The following HDX variants were observed in gnomAD, a reference collection of about 807,000 sequenced individuals.
HDX encodes highly divergent homeobox.
In HDX, 19 loss-of-function variants were observed where a neutral mutation model predicts 45.2. That is an observed-to-expected ratio of 0.42 (90% CI 0.29 to 0.62). The LOEUF (loss-of-function observed/expected upper bound fraction) is 0.62. Ranked by LOEUF, HDX falls within the 20% of genes least tolerant of loss-of-function variation. The pLI, the probability that HDX is intolerant of heterozygous loss-of-function variation, is 0.20. For missense variants in HDX, 532 were observed against 493.9 expected (o/e 1.08, Z -0.73); for synonymous variants, 188 against 172.8 (o/e 1.09, Z -0.69).
intron 5 of HDX, among the ~76,000 whole-genome samples, chrX:84,380,258 C>A (rs184353713): frequency 7.3e-5 from 8 of 109,527 alleles, no homozygotes; most frequent in Non-Finnish European, 1.5e-4. Context: ...AAACCAGGAC[C>A]CAGTGGTTTC....
chrX:84,480,077 C>G (rs772551443), intron 2 of HDX, among the ~76,000 whole-genome samples: 1 of 111,649 alleles, frequency 9.0e-6, no homozygotes, highest in South Asian at 3.7e-4. Context: ...AGCATATACT[C>G]TGTTAAATAA....
intron 4 of HDX, among the ~76,000 whole-genome samples, chrX:84,465,678 G>T (rs1166964658): frequency 1.8e-5 from 2 of 111,761 alleles, no homozygotes; most frequent in Non-Finnish European, 3.8e-5. Context: ...TGGGGGGCGG[G>T]TGCCTAGGGG....
At chrX:84,470,902 T>G (rs1418497481) in intron 3 of HDX, among the ~76,000 whole-genome samples, 1 of 111,559 alleles carries the variant, frequency 9.0e-6, no homozygotes, top group Non-Finnish European at 1.9e-5. Flanking sequence ...TGCCTGTAAC[T>G]CCAGCTCTTT....
rs1331406889 is a variant in HDX, at chrX:84,342,536, TGTGA to T, written c.1660+1710_1660+1713del. Among the ~76,000 whole-genome samples, 592 of 109,208 alleles carry T rather than the reference TGTGA, an allele frequency of 5.4e-3. 7 individuals are homozygous for T. The highest frequency in any genetic ancestry group is 0.019 in the African/African-American group (566 of 30,039). 94.8% of individuals were successfully genotyped at this position (109,208 alleles called of 115,157 possible). On this transcript the variant is annotated intron_variant, in intron 7 of 10. Coordinates refer to ENST00000373177, the MANE Select transcript of HDX (RefSeq NM_001177479.2). ...GTGTGTGCATGTGTGTGTGTGTGTG[TGTGA>T]GAGAGAGAGAGAGTGTGTGTGTGTA...
rs1451725294 is a variant in HDX, at chrX:84,440,552, C to T, written c.1285G>A (p.Gly429Arg). 1 of 1,184,769 alleles carries T rather than the reference C, an allele frequency of 8.4e-7. No homozygotes were observed. Among genetic ancestry groups the T allele is most frequent in the Non-Finnish European group, 1.1e-6 (1 of 874,781 alleles). Reference sequence around the variant, plus strand: ...CTTACTGCTCTTTTTCTAGAACACCCTGTAATCCAAGGCACAGTAAGGTTT... The same window carrying T: ...CTTACTGCTCTTTTTCTAGAACACCTTGTAATCCAAGGCACAGTAAGGTTT... ...SGNLTVPWIT[G>R]CSRKRALQDR... The change falls in exon 5 of 11, where the codon GGG becomes AGG. Residue 429 changes from glycine to arginine, a missense_variant. Gly to Arg is a moderately radical substitution (Grantham distance 125, BLOSUM62 -2). Transcript: ENST00000373177.
At chrX:84,451,707 G>C (rs1442067558) in intron 4 of HDX, among the ~76,000 whole-genome samples, 2 of 110,036 alleles carry the variant, frequency 1.8e-5, no homozygotes, top group Non-Finnish European at 3.8e-5. Flanking sequence ...ACCAACACTA[G>C]ACAAGGATGC....
Position 84,469,517 on chromosome X carries a change from G to A in HDX, c.206C>T (p.Ala69Val), listed in dbSNP as rs779430234. The A allele has an allele frequency of 8.3e-6, 10 of 1,204,123 alleles. No individual in the cohort carries two copies. Among genetic ancestry groups the A allele is most frequent in the Non-Finnish European group, 1.1e-5 (10 of 891,489 alleles). Residue 69 changes from alanine to valine, a missense_variant, in exon 4 of 11, where the codon GCA becomes GTA. Physicochemically the swap from Ala to Val is moderately conservative, Grantham distance 64 (BLOSUM62 0). Around this residue, in one of 3 missense-constraint regions of HDX, gnomAD observed 376 missense variants for 343.7 expected, o/e 1.09. Coordinates refer to ENST00000373177, the MANE Select transcript of HDX (RefSeq NM_001177479.2). ...AGCTGACAAAGAGGTTCCTGTTGTT[G>A]CTGTTCCAGATTCAGAGTTCTTACT... is the stretch of plus-strand genomic sequence containing the variant. ...MSSKNSESGTATTGTSLSAPD... is the reference protein window; with the variant it reads ...MSSKNSESGTVTTGTSLSAPD...
intron 3 of HDX, 97 bp from the exon 4 acceptor site, chrX:84,469,672 A>G (rs1739856402): frequency 1.4e-6 from 1 of 705,975 alleles, no homozygotes; most frequent in African/African-American, 2.2e-5. Context: ...TTTGTCTTGG[A>G]ACCAAGGTGT....
At chrX:84,398,435 C>A (rs767701314) in intron 5 of HDX, among the ~76,000 whole-genome samples, 1 of 111,222 alleles carries the variant, frequency 9.0e-6, no homozygotes, top group South Asian at 3.8e-4. Context: ...TAGTCTCTGA[C>A]AAAACAGACT....
intron 5 of HDX, among the ~76,000 whole-genome samples, chrX:84,383,473 C>A (rs1056063198): frequency 9.0e-6 from 1 of 111,062 alleles, no homozygotes; most frequent in Non-Finnish European, 1.9e-5. Context: ...TATATTAATG[C>A]GCATTTCATG....
At chrX:84,497,032 G>A (rs1400430215) in intron 1 of HDX, among the ~76,000 whole-genome samples, 3 of 111,298 alleles carry the variant, frequency 2.7e-5, no homozygotes, top group Admixed American at 9.6e-5. Context: ...GTGAAATGGT[G>A]TAAAAGTGTT....
At chrX:84,480,506 T>A in intron 2 of HDX, among the ~76,000 whole-genome samples, 1 of 111,716 alleles carries the variant, frequency 9.0e-6, no homozygotes, top group East Asian at 2.8e-4. Flanking sequence ...CTCACCAGGT[T>A]AAAGAAGTTC....
chrX:84,391,454 A>T (rs1195855447), intron 5 of HDX, among the ~76,000 whole-genome samples: 5 of 111,189 alleles, frequency 4.5e-5, no homozygotes, highest in African/African-American at 1.6e-4. Flanking sequence ...TTTCTCTTGG[A>T]TAAATATTCA....
At chrX:84,346,627 A>T (rs993412724) in intron 6 of HDX, among the ~76,000 whole-genome samples, 4 of 111,410 alleles carry the variant, frequency 3.6e-5, no homozygotes, top group African/African-American at 9.8e-5. Context: ...AAAAGAATTT[A>T]ATAGGGGAAG....
intron 9 of HDX, among the ~76,000 whole-genome samples, chrX:84,326,927 AAAAG>A (rs1237659457): frequency 9.1e-6 from 1 of 110,375 alleles, no homozygotes; most frequent in Non-Finnish European, 1.9e-5. Context: ...AAAAAAAAAA[AAAAG>A]ATTAGGAATA....
intron 1 of HDX, among the ~76,000 whole-genome samples, chrX:84,497,177 C>A (rs1602568675): frequency 1.8e-5 from 2 of 112,070 alleles, no homozygotes; most frequent in South Asian, 3.7e-4. Flanking sequence ...AGTTAAATAT[C>A]TTTTCTTTAT....
chrX:84,410,400 T>G (rs2038956869), intron 5 of HDX, among the ~76,000 whole-genome samples: 2 of 111,620 alleles, frequency 1.8e-5, no homozygotes, highest in South Asian at 7.5e-4. Context: ...CTTCATCTAT[T>G]GAAATGGTTA....
At chrX:84,474,116 C>T (rs750182605) in intron 3 of HDX, among the ~76,000 whole-genome samples, 8 of 111,059 alleles carry the variant, frequency 7.2e-5, no homozygotes, top group Non-Finnish European at 1.5e-4. Flanking sequence ...CATGGCGAAA[C>T]CCCGTCTTTA....
chrX:84,499,258 A>G (rs1285115558), intron 1 of HDX, among the ~76,000 whole-genome samples: 1 of 111,529 alleles, frequency 9.0e-6, no homozygotes, highest in Non-Finnish European at 1.9e-5. Flanking sequence ...ATCTCTCCCA[A>G]CTTAAACTCT....
Sources: allele counts gnomAD v4.1 joint callset (sites outside exome capture counted in the v4.1 genomes callset), GRCh38; gene constraint gnomAD v4.1.1; regional missense constraint gnomAD v4.1.1; transcripts MANE v1.5; gene names NCBI Gene and HGNC (gene_info 2026-07-23, HGNC 2026-07-21).